Variants in KLHL29 observed in about 807,000 individuals in gnomAD.
KLHL29 encodes kelch-like protein 29.
A neutral mutation model predicts 80.4 loss-of-function variants in KLHL29; 21 were observed. That is an observed-to-expected ratio of 0.26 (90% confidence interval 0.19 to 0.38). The LOEUF is 0.38. Ranked by LOEUF, KLHL29 falls within the 10% of genes least tolerant of loss-of-function variation. The pLI is 1.00. For synonymous variants in KLHL29, 511 were observed against 526.8 expected (o/e 0.97, Z 0.41); for missense variants, 867 against 1,223.9 (o/e 0.71, Z 4.35).
intron 5 of KLHL29, chr2:23,643,253 T>G: frequency 1.3e-5 from 5 of 371,918 alleles, no homozygotes; most frequent in East Asian, 6.7e-5. Flanking sequence ...CTTCTCCACA[T>G]TCCATCCATG....
intron 2 of KLHL29, among the ~76,000 whole-genome samples, 170 bp from the exon 3 acceptor site, chr2:23,561,982 G>T (rs1667457532): frequency 6.6e-6 from 1 of 152,176 alleles, no homozygotes; most frequent in African/African-American, 2.4e-5. Flanking sequence ...TTCCTTGTCT[G>T]TGAAGTGGGG....
chr2:23,498,731 G>A (rs1423751533), intron 2 of KLHL29, among the ~76,000 whole-genome samples: 1 of 152,252 alleles, frequency 6.6e-6, no homozygotes, highest in South Asian at 2.1e-4. Context: ...TGTGACTGGG[G>A]AACTGAATTG....
intron 13 of KLHL29, 53 bp from the exon 14 acceptor site, chr2:23,706,428 A>AG: frequency 7.3e-7 from 1 of 1,364,402 alleles, no homozygotes; most frequent in Non-Finnish European, 9.5e-7. Context: ...ACCTATCTCC[A>AG]GGGCCAAGTT....
chr2:23,677,689 C>T (rs1417959684), intron 5 of KLHL29, among the ~76,000 whole-genome samples: 2 of 152,202 alleles, frequency 1.3e-5, no homozygotes, highest in African/African-American at 4.8e-5. Flanking sequence ...TTGGGAGGCG[C>T]GTGGAGCAGC....
intron 1 of KLHL29, among the ~76,000 whole-genome samples, chr2:23,432,508 C>G (rs1663208371): frequency 6.6e-6 from 1 of 152,228 alleles, no homozygotes; most frequent in African/African-American, 2.4e-5. Context: ...AGACAAGGTC[C>G]CTGTCCTTGC....
At chr2:23,484,477 T>G (rs1358835282) in intron 2 of KLHL29, among the ~76,000 whole-genome samples, 1 of 152,192 alleles carries the variant, frequency 6.6e-6, no homozygotes. Context: ...GAGGCAACAA[T>G]TAACCCGGCA....
At chr2:23,474,638 A>G (rs1007855706) in intron 1 of KLHL29, among the ~76,000 whole-genome samples, 2 of 152,076 alleles carry the variant, frequency 1.3e-5, no homozygotes, top group African/African-American at 2.4e-5. Context: ...CGGCCGCTGG[A>G]AAAGCTTAGG....
At chr2:23,656,874 C>T (rs968037156) in intron 5 of KLHL29, among the ~76,000 whole-genome samples, 5 of 149,440 alleles carry the variant, frequency 3.3e-5, no homozygotes, top group East Asian at 2.0e-4. Flanking sequence ...CCCGCCTGCA[C>T]GGTGTTTCAT....
intron 1 of KLHL29, among the ~76,000 whole-genome samples, chr2:23,440,343 A>G (rs1285078038): frequency 1.3e-5 from 2 of 151,848 alleles, no homozygotes; most frequent in Admixed American, 6.6e-5. Flanking sequence ...TGGATTAAAG[A>G]CTTAAACATT....
chr2:23,449,842 C>G (rs1663819092), intron 1 of KLHL29, among the ~76,000 whole-genome samples: 1 of 152,140 alleles, frequency 6.6e-6, no homozygotes, highest in African/African-American at 2.4e-5. Flanking sequence ...GAGAACCAAG[C>G]CCTCTGGAAC....
At chr2:23,576,469 G>A (rs1399877590) in intron 3 of KLHL29, among the ~76,000 whole-genome samples, 3 of 152,180 alleles carry the variant, frequency 2.0e-5, no homozygotes, top group East Asian at 1.9e-4. Context: ...AGAAGGGAAC[G>A]TTATGAATAT....
At chr2:23,496,902 G>A (rs1266559778) in intron 2 of KLHL29, among the ~76,000 whole-genome samples, 2 of 152,172 alleles carry the variant, frequency 1.3e-5, no homozygotes, top group African/African-American at 4.8e-5. Flanking sequence ...TGGGACATTT[G>A]CCCTCCAAAC....
intron 1 of KLHL29, among the ~76,000 whole-genome samples, chr2:23,390,046 CTG>C (rs1188806864): frequency 6.6e-6 from 1 of 152,230 alleles, no homozygotes; most frequent in Non-Finnish European, 1.5e-5. Flanking sequence ...AAAGCAAACT[CTG>C]TGGTTCTTCC....
chr2:23,595,189 GGGCTGTGGGGTGTGGGAAGT>G (rs1251377051), intron 3 of KLHL29, among the ~76,000 whole-genome samples: 6 of 152,106 alleles, frequency 3.9e-5, no homozygotes, highest in Admixed American at 2.0e-4. Flanking sequence ...GGAAGGGAAG[GGGCTGTGGGGTGTGGGAAGT>G]GGCTGTGGGG....
At chr2:23,473,682 A>G (rs932132043) in intron 1 of KLHL29, among the ~76,000 whole-genome samples, 2 of 151,924 alleles carry the variant, frequency 1.3e-5, no homozygotes, top group Admixed American at 6.6e-5. Flanking sequence ...CCCGACATGA[A>G]CTCTGAGGGT....
At chr2:23,560,301 T>C (rs1271681076) in intron 2 of KLHL29, among the ~76,000 whole-genome samples, 1 of 136,592 alleles carries the variant, frequency 7.3e-6, no homozygotes, top group African/African-American at 2.7e-5. Context: ...AGACGGAGTC[T>C]TGCTCTGTTG....
intron 2 of KLHL29, among the ~76,000 whole-genome samples, chr2:23,490,595 A>C (rs1665068819): frequency 1.3e-5 from 2 of 152,144 alleles, no homozygotes; most frequent in Admixed American, 6.5e-5. Flanking sequence ...CTCCAATACC[A>C]TGGGGGAAAA....
chr2:23,585,453 G>T (rs940670381), intron 3 of KLHL29, among the ~76,000 whole-genome samples: 1 of 152,210 alleles, frequency 6.6e-6, no homozygotes, highest in African/African-American at 2.4e-5. Flanking sequence ...TGGCCAGCGT[G>T]TTAACAGATG....
chr2:23,561,125 C>G (rs1667434839), intron 2 of KLHL29, among the ~76,000 whole-genome samples: 1 of 152,228 alleles, frequency 6.6e-6, no homozygotes, highest in Admixed American at 6.5e-5. Flanking sequence ...GACCCCTACC[C>G]TAACCCACCA....
Sources: gnomAD v4.1 joint callset for allele counts (sites outside exome capture counted in the v4.1 genomes callset) on GRCh38, gnomAD v4.1.1 for gene constraint, MANE v1.5 for transcripts, NCBI Gene and HGNC (gene_info 2026-07-23, HGNC 2026-07-21) for gene names.